Variants in EFHC2 observed in about 807,000 individuals in gnomAD.
EFHC2 encodes the protein EF-hand domain containing 2, also known as EF-hand domain-containing family member C2.
Under a neutral mutation model 52.7 loss-of-function variants are expected in EFHC2, and 18 were observed. The observed-to-expected ratio is 0.34, with a 90% confidence interval of 0.24 to 0.51. The LOEUF is 0.51. Ranked by LOEUF, EFHC2 falls within the 20% of genes least tolerant of loss-of-function variation. The pLI is 0.97. For synonymous variants in EFHC2, 203 were observed against 204.1 expected (o/e 0.99, Z 0.04); for missense variants, 513 against 562.5 (o/e 0.91, Z 0.89).
At chrX:44,177,025 T>C (rs186757247) in intron 12 of EFHC2, among the ~76,000 whole-genome samples, 1 of 112,512 alleles carries the variant, frequency 8.9e-6, no homozygotes, top group East Asian at 2.8e-4. Context: ...GTTGGCTCTT[T>C]TCTTTGCAAT....
chrX:44,276,558 T>C (rs1361180942), intron 2 of EFHC2, among the ~76,000 whole-genome samples: 1 of 112,657 alleles, frequency 8.9e-6, no homozygotes, highest in Non-Finnish European at 1.9e-5. Flanking sequence ...CTTCTTACAA[T>C]TAAAGCCAAA....
At chrX:44,325,033 C>T (rs11797991) in intron 1 of EFHC2, among the ~76,000 whole-genome samples, 44,301 of 110,442 alleles carry the variant, frequency 0.4, 6,429 homozygotes, top group South Asian at 0.48. Context: ...TTTTTTAAGT[C>T]CAGTGATGCC....
At chrX:44,265,985 T>C (rs777949787) in intron 3 of EFHC2, among the ~76,000 whole-genome samples, 8 of 111,882 alleles carry the variant, frequency 7.2e-5, no homozygotes, top group Admixed American at 2.8e-4. Flanking sequence ...CCCTTAGCTA[T>C]TGAAAAAGCA....
chrX:44,262,512 C>CAAAAAAAAAAAAAA (rs749239313), intron 3 of EFHC2, among the ~76,000 whole-genome samples: 2 of 29,205 alleles, frequency 6.8e-5, no homozygotes, highest in African/African-American at 1.1e-4. Context: ...AGCCCTGTCT[C>CAAAAAAAAAAAAAA]AAAAAAAAAA....
intron 2 of EFHC2, among the ~76,000 whole-genome samples, chrX:44,282,891 A>T (rs1276115066): frequency 1.8e-5 from 2 of 109,206 alleles, no homozygotes; most frequent in African/African-American, 6.7e-5. Context: ...GTGGTAAAGG[A>T]GGGGCTGGAT....
At chrX:44,294,872 CGTT>C (rs1374277885) in intron 2 of EFHC2, among the ~76,000 whole-genome samples, 3 of 112,122 alleles carry the variant, frequency 2.7e-5, no homozygotes, top group Admixed American at 9.4e-5. Flanking sequence ...ATGTGTCAGG[CGTT>C]GTGCTAAGCT....
At chrX:44,330,664 T>C (rs2038081622) in intron 1 of EFHC2, among the ~76,000 whole-genome samples, 1 of 111,932 alleles carries the variant, frequency 8.9e-6, no homozygotes, top group Admixed American at 9.5e-5. Context: ...AGTGAGACTC[T>C]GTCTCCAAAT....
At chrX:44,195,156 C>T (rs1370987397) in intron 11 of EFHC2, among the ~76,000 whole-genome samples, 1 of 112,346 alleles carries the variant, frequency 8.9e-6, no homozygotes. Flanking sequence ...GGGTCAGCCA[C>T]AGGACTTGTT....
Position 44,312,747 on chromosome X carries a change from C to G in EFHC2, c.52G>C (p.Glu18Gln). Residue 18 changes from glutamate to glutamine, a missense_variant, in exon 2 of 15, where the codon GAG becomes CAG. Glu to Gln is a conservative substitution (Grantham distance 29). Transcript: ENST00000420999. ...GNSFNRNVGKEKFHKSQHWGF... is the reference protein window; with the variant it reads ...GNSFNRNVGKQKFHKSQHWGF... Reference sequence around the variant, plus strand: ...CAATGTTGGGATTTGTGAAACTTCTCCTTTCCCACCTGTGAACATAAGAGA... The same window carrying G: ...CAATGTTGGGATTTGTGAAACTTCTGCTTTCCCACCTGTGAACATAAGAGA... The G allele has an allele frequency of 1.7e-6, 2 of 1,199,325 alleles. No homozygotes were observed. The highest frequency in any genetic ancestry group is 1.7e-5 in the African/African-American group (1 of 57,432).
chrX:44,192,006 A>G (rs1353149361), intron 11 of EFHC2, among the ~76,000 whole-genome samples: 2 of 110,371 alleles, frequency 1.8e-5, no homozygotes, highest in Admixed American at 9.8e-5. Flanking sequence ...TAATTTTTCT[A>G]ATCATGTCAT....
chrX:44,328,728 C>T (rs1239573200), intron 1 of EFHC2, among the ~76,000 whole-genome samples: 2 of 111,360 alleles, frequency 1.8e-5, no homozygotes, highest in Non-Finnish European at 3.8e-5. Context: ...GGTTGCTTTC[C>T]ACAACCAATC....
At chrX:44,234,734 G>T (rs2147324422) in intron 9 of EFHC2, among the ~76,000 whole-genome samples, 1 of 111,898 alleles carries the variant, frequency 8.9e-6, no homozygotes, top group Non-Finnish European at 1.9e-5. Context: ...CCATGATTGG[G>T]CAAGTCAATG....
At chrX:44,336,589 T>C (rs1341313395) in intron 1 of EFHC2, among the ~76,000 whole-genome samples, 1 of 111,756 alleles carries the variant, frequency 8.9e-6, no homozygotes, top group Non-Finnish European at 1.9e-5. Context: ...AAAATTTACA[T>C]AAAAGTAAGC....
At chrX:44,200,951 T>A (rs1280805371) in intron 11 of EFHC2, among the ~76,000 whole-genome samples, 1 of 111,945 alleles carries the variant, frequency 8.9e-6, no homozygotes, top group Non-Finnish European at 1.9e-5. Flanking sequence ...AAATCTAGAA[T>A]TATGTACCCG....
intron 11 of EFHC2, among the ~76,000 whole-genome samples, chrX:44,188,962 A>T (rs1422116055): frequency 9.3e-6 from 1 of 108,051 alleles, no homozygotes; most frequent in Non-Finnish European, 1.9e-5. Context: ...TACTAAAAAT[A>T]AAAAAAAATT....
rs183043424 is a variant in EFHC2 at position 44,275,235 on chromosome X, G to A, written c.232-2399C>T. Among the ~76,000 whole-genome samples the A allele has an allele frequency of 1.2e-4, 13 of 111,576 alleles. No individual in the cohort carries two copies. The East Asian group carries it at 3.7e-3, about 32-fold the overall frequency. Reference sequence around the variant, plus strand: ...AAATTGAAATAAAGAGAAAAGGAAAGACATTATCTTAGGTTGGGCTTCAAT... The same window carrying A: ...AAATTGAAATAAAGAGAAAAGGAAAAACATTATCTTAGGTTGGGCTTCAAT... On this transcript the variant is annotated intron_variant, in intron 2 of 14. Coordinates refer to ENST00000420999, the MANE Select transcript of EFHC2 (RefSeq NM_025184.4).
intron 11 of EFHC2, among the ~76,000 whole-genome samples, chrX:44,189,970 G>A (rs950076862): frequency 1.8e-5 from 2 of 111,416 alleles, no homozygotes; most frequent in African/African-American, 6.5e-5. Flanking sequence ...TATCCATTGT[G>A]GAGAGTGGAA....
In EFHC2 at chrX:44,250,372, C is replaced by G; in HGVS notation, c.680G>C (p.Gly227Ala). The G allele has an allele frequency of 8.3e-7, 1 of 1,211,182 alleles. No individual in the cohort carries two copies. The highest frequency in any genetic ancestry group is 1.1e-6 in the Non-Finnish European group (1 of 895,206). Reference protein sequence around the residue: ...DTLKQFLQYHGKILCFFCLWD... With the variant: ...DTLKQFLQYHAKILCFFCLWD... ...CAGGCAGAAGAAACACAAAATCTTG[C>G]CATGATACTGGAGGAACTGTTTCAG... The change falls in exon 5 of 15, where the codon GGC (glycine) becomes GCC (alanine). Residue 227 changes from glycine to alanine, a missense_variant. Physicochemically the swap from Gly to Ala is moderately conservative, Grantham distance 60. Coordinates refer to ENST00000420999, the MANE Select transcript of EFHC2 (RefSeq NM_025184.4).
intron 13 of EFHC2, among the ~76,000 whole-genome samples, chrX:44,167,273 A>G (rs1359056421): frequency 1.8e-5 from 2 of 112,112 alleles, no homozygotes; most frequent in Non-Finnish European, 3.8e-5. Flanking sequence ...TCCCATTTCA[A>G]ATGTTGCTTC....
Sources: allele counts gnomAD v4.1 joint callset (sites outside exome capture counted in the v4.1 genomes callset), GRCh38; gene constraint gnomAD v4.1.1; transcripts MANE v1.5; gene names NCBI Gene and HGNC (gene_info 2026-07-23, HGNC 2026-07-21).